Variants in APBB2 observed in about 807,000 individuals in gnomAD.
APBB2 encodes amyloid beta precursor protein binding family B member 2, also known as Fe65-like 1.
In APBB2, 38 loss-of-function variants were observed where a neutral mutation model predicts 82.5. That is an observed-to-expected ratio of 0.46 (90% confidence interval 0.36 to 0.60). The LOEUF (loss-of-function observed/expected upper bound fraction) is 0.60, where lower values mean the gene tolerates loss of function less well. Among genes scored for constraint, APBB2 ranks in the 20% least tolerant of loss-of-function variants. The pLI, the probability that APBB2 is intolerant of heterozygous loss-of-function variation, is 0.00. For missense variants in APBB2, 772 were observed against 972.3 expected (o/e 0.79, Z 2.74); for synonymous variants, 341 against 368.2 (o/e 0.93, Z 0.85).
chr4:41,044,838 T>C (rs1286193856), intron 4 of APBB2, among the ~76,000 whole-genome samples: 1 of 152,164 alleles, frequency 6.6e-6, no homozygotes, highest in East Asian at 1.9e-4. Context: ...GGTGATATTC[T>C]AAAATACATG....
intron 3 of APBB2, among the ~76,000 whole-genome samples, chr4:41,070,056 AT>A (rs960355005): frequency 6.6e-6 from 1 of 152,280 alleles, no homozygotes; most frequent in African/African-American, 2.4e-5. Context: ...ACAGGACATC[AT>A]TACTCTCACA....
At chr4:41,025,083 G>C (rs544362408) in intron 5 of APBB2, among the ~76,000 whole-genome samples, 35 of 152,278 alleles carry the variant, frequency 2.3e-4, no homozygotes, top group Non-Finnish European at 4.1e-4. Flanking sequence ...ATGTTAATCC[G>C]CTGGGTCTGA....
chr4:40,909,669 T>G (rs1376081098), intron 10 of APBB2, among the ~76,000 whole-genome samples: 2 of 152,204 alleles, frequency 1.3e-5, no homozygotes, highest in African/African-American at 4.8e-5. Context: ...AAGTGTATGT[T>G]TACTTAAAGA....
At chr4:41,149,790 T>C (rs567538383) in intron 1 of APBB2, among the ~76,000 whole-genome samples, 1 of 152,246 alleles carries the variant, frequency 6.6e-6, no homozygotes, top group South Asian at 2.1e-4. Context: ...GGGGCAAGTT[T>C]TTCCCATGCT....
rs573837139 is a variant in APBB2, at chr4:40,918,772, T to G, written c.1254+15684A>C. 4.0e-5 allele frequency among the ~76,000 whole-genome samples: 6 copies of G among 149,200 alleles called. No homozygotes were observed. In the East Asian group the frequency reaches 7.9e-4, roughly 20 times the overall value. ...TATTTTTTCTCTGTTTTTTTTTTTG[T>G]TTGTTTGTTTTTGTTTTTTTTAACA... On this transcript the variant is annotated intron_variant, in intron 10 of 17. Transcript: ENST00000508593.
intron 10 of APBB2, among the ~76,000 whole-genome samples, chr4:40,932,649 AAGGGG>A (rs1784475294): frequency 6.6e-6 from 1 of 152,136 alleles, no homozygotes; most frequent in South Asian, 2.1e-4. Flanking sequence ...CAGGAGGGTG[AAGGGG>A]AGGGGAGGGG....
rs530771304 is a variant in APBB2, at chr4:40,887,400, T to A, written c.1529+2964A>T. ...CACATCAAGAAATCCCTGAAGAGAT[T>A]CCACTTTCTCAGCAAGGAAAGTTAC... On this transcript the variant is annotated intron_variant, in intron 12 of 17. Coordinates refer to ENST00000508593, the MANE Select transcript of APBB2 (RefSeq NM_004307.2). 2.0e-5 allele frequency among the ~76,000 whole-genome samples: 3 copies of A among 152,322 alleles called. No homozygotes were observed. In the East Asian group the frequency reaches 5.8e-4, roughly 29 times the overall value.
chr4:40,875,650 G>T, intron 12 of APBB2, among the ~76,000 whole-genome samples: 1 of 152,114 alleles, frequency 6.6e-6, no homozygotes, highest in Non-Finnish European at 1.5e-5. Context: ...TACATTTCAA[G>T]TGCTCAAGGC....
At chr4:40,836,137 G>A (rs940061968) in intron 12 of APBB2, among the ~76,000 whole-genome samples, 1 of 152,178 alleles carries the variant, frequency 6.6e-6, no homozygotes, top group South Asian at 2.1e-4. Context: ...ACATGGATCT[G>A]GGAGGTGGGT....
intron 6 of APBB2, among the ~76,000 whole-genome samples, chr4:41,007,274 T>C (rs2154425590): frequency 6.6e-6 from 1 of 152,026 alleles, no homozygotes; most frequent in Non-Finnish European, 1.5e-5. Flanking sequence ...TCTGGCCATG[T>C]GATATCCTCG....
chr4:40,851,860 T>A (rs1759571304), intron 12 of APBB2, among the ~76,000 whole-genome samples: 3 of 151,164 alleles, frequency 2.0e-5, no homozygotes, highest in Admixed American at 2.0e-4. Flanking sequence ...GGGCAGAGAA[T>A]CCTATCAGAA....
intron 10 of APBB2, among the ~76,000 whole-genome samples, chr4:40,913,273 C>T (rs769066758): frequency 1.4e-4 from 21 of 152,106 alleles, no homozygotes; most frequent in Non-Finnish European, 2.1e-4. Context: ...CAAATAGTAA[C>T]AGGTATATTT....
At chr4:41,102,441 C>T (rs552244568) in intron 2 of APBB2, among the ~76,000 whole-genome samples, 17 of 152,320 alleles carry the variant, frequency 1.1e-4, no homozygotes, top group African/African-American at 3.6e-4. Context: ...CCATACAGCA[C>T]ACTCAGTTCT....
chr4:41,073,419 A>C (rs903399330), intron 3 of APBB2, among the ~76,000 whole-genome samples: 14 of 152,158 alleles, frequency 9.2e-5, no homozygotes, highest in African/African-American at 3.4e-4. Context: ...GTGATTTAGC[A>C]GTTTACAAGG....
At chr4:41,120,135 G>T (rs567283041) in intron 2 of APBB2, among the ~76,000 whole-genome samples, 27 of 152,254 alleles carry the variant, frequency 1.8e-4, no homozygotes, top group Non-Finnish European at 2.9e-4. Flanking sequence ...ATCCTTCAAG[G>T]CCTGGCTCCA....
In APBB2 at chr4:40,861,927, T is replaced by TTAAAAA. The variant is rs1762857826; in HGVS notation, c.1529+28436_1529+28437insTTTTTA. On this transcript the variant is annotated intron_variant, in intron 12 of 17. Transcript: ENST00000508593. ...CTGATCACCCAACTTTTAAAAGGCA[T>TTAAAAA]CTGACTTCCTAATTAGAATGAAATA... 2.0e-5 allele frequency among the ~76,000 whole-genome samples: 3 copies of TTAAAAA among 152,336 alleles called. No individual in the cohort carries two copies. In the South Asian group the frequency reaches 6.2e-4, roughly 32 times the overall value.
chr4:41,110,914 T>C (rs1251534309), intron 2 of APBB2, among the ~76,000 whole-genome samples: 1 of 152,134 alleles, frequency 6.6e-6, no homozygotes, highest in Non-Finnish European at 1.5e-5. Flanking sequence ...ATTATTACAT[T>C]GTAATATATA....
rs1015293712 is a variant in APBB2, at chr4:40,935,170, A to G, written c.1045-31T>C. ...CATATAATTATTCACATAGGAAAAA[A>G]GCACATTGATTTAAAGAAAAAGAAA... On this transcript the variant is annotated intron_variant, in intron 7 of 17. Coordinates refer to ENST00000508593, the MANE Select transcript of APBB2 (RefSeq NM_004307.2). 3.6e-5 allele frequency: 51 copies of G among 1,406,222 alleles called. No individual in the cohort carries two copies. The Middle Eastern group carries it at 7.1e-4, about 20-fold the overall frequency. 87.1% of individuals were successfully genotyped at this position (1,406,222 alleles called of 1,614,324 possible). A position where few individuals can be genotyped will look rare whatever the true frequency, so the allele number is the denominator to read the frequency against.
At chr4:41,183,525 G>C (rs958103557) in intron 1 of APBB2, among the ~76,000 whole-genome samples, 1 of 152,090 alleles carries the variant, frequency 6.6e-6, no homozygotes, top group Non-Finnish European at 1.5e-5. Context: ...CTTATAAAAA[G>C]GGAAAATTTG....
Sources: allele counts gnomAD v4.1 joint callset (sites outside exome capture counted in the v4.1 genomes callset), GRCh38; gene constraint gnomAD v4.1.1; transcripts MANE v1.5; gene names NCBI Gene and HGNC (gene_info 2026-07-23, HGNC 2026-07-21).